PCDHA2: variants seen among roughly 807,000 people sequenced by gnomAD.
PCDHA2 encodes protocadherin alpha 2.
PCDHA2 carries 58 observed loss-of-function variants against 66.0 expected under a neutral mutation model. The ratio of observed to expected loss-of-function variants is 0.88; its 90% CI spans 0.71 to 1.09. PCDHA2 has a LOEUF of 1.09. PCDHA2 is among the 50% of genes least tolerant of loss of function. The pLI, the probability that PCDHA2 is intolerant of heterozygous loss-of-function variation, is 0.00. For synonymous variants in PCDHA2, 634 were observed against 554.0 expected, an observed-to-expected ratio of 1.14 and a Z score of -2.03; for missense variants, 1,267 against 1,242.3, an observed-to-expected ratio of 1.02 and a Z score of -0.30.
chr5:140,795,361 T>C lies in PCDHA2; in HGVS notation c.397T>C (p.Phe133Leu), dbSNP rs1761949603. 1 of 1,614,180 alleles carries C rather than the reference T, an allele frequency of 6.2e-7. No homozygotes were observed. The highest frequency in any genetic ancestry group is 8.5e-7 in the Non-Finnish European group (1 of 1,180,034). ...VKDINDNPPI[F>L]PMTVKTIRFP... is the part of the protein sequence containing the mutation. Reference sequence around the variant, plus strand: ...GGACATTAACGACAACCCGCCAATATTTCCAATGACAGTAAAGACTATCCG... The same window carrying C: ...GGACATTAACGACAACCCGCCAATACTTCCAATGACAGTAAAGACTATCCG... The change falls in exon 1 of 4, where the codon TTT becomes CTT. Residue 133 changes from phenylalanine to leucine, a missense_variant. By Grantham distance (22) the Phe-to-Leu change is conservative. Coordinates refer to ENST00000526136, the MANE Select transcript of PCDHA2 (RefSeq NM_018905.3).
At chr5:140,882,332 G>A (rs782439110) in intron 1 of PCDHA2, 1 of 1,614,178 alleles carries the variant, frequency 6.2e-7, no homozygotes, top group Non-Finnish European at 8.5e-7. Flanking sequence ...TCTGATCCTC[G>A]CAGCCTGGGA....
chr5:140,852,584 T>G, intron 1 of PCDHA2: 1 of 824,250 alleles, frequency 1.2e-6, no homozygotes, highest in Non-Finnish European at 1.5e-6. Flanking sequence ...GCTTTTTTAT[T>G]TTTTTTTTTT....
chr5:140,942,590 A>G (rs868979857), intron 1 of PCDHA2, among the ~76,000 whole-genome samples: 1 of 148,658 alleles, frequency 6.7e-6, no homozygotes, highest in Admixed American at 6.8e-5. Context: ...GATGTCACAT[A>G]TAATTATAGT....
chr5:140,967,610 T>A, intron 1 of PCDHA2: 1 of 1,614,108 alleles, frequency 6.2e-7, no homozygotes, highest in Non-Finnish European at 8.5e-7. Context: ...GCTGAATGCC[T>A]CAGACCCGGA....
At chr5:140,917,379 T>C (rs1393963383) in intron 1 of PCDHA2, among the ~76,000 whole-genome samples, 1 of 147,708 alleles carries the variant, frequency 6.8e-6, no homozygotes, top group African/African-American at 2.5e-5. Context: ...TCCACCTCAA[T>C]AGTCTGATGT....
intron 1 of PCDHA2, chr5:140,967,282 G>A (rs1463734502): frequency 1.1e-5 from 17 of 1,612,960 alleles, no homozygotes; most frequent in Non-Finnish European, 1.4e-5. Context: ...TAGAGAGTGC[G>A]CAGGACCCCG....
intron 1 of PCDHA2, chr5:140,841,123 T>C: frequency 1.6e-6 from 1 of 643,846 alleles, no homozygotes; most frequent in Non-Finnish European, 2.6e-6. Context: ...ATGTAATCAT[T>C]ACCTTTTGAA....
At chr5:140,876,223 T>C (rs2056212607) in intron 1 of PCDHA2, 2 of 1,613,782 alleles carry the variant, frequency 1.2e-6, no homozygotes, top group Non-Finnish European at 1.7e-6. Flanking sequence ...TAAAGTAGTG[T>C]TGTCTGAAAA....
intron 1 of PCDHA2, among the ~76,000 whole-genome samples, chr5:140,826,723 G>A (rs1409739091): frequency 1.3e-5 from 2 of 152,174 alleles, no homozygotes; most frequent in African/African-American, 4.8e-5. Context: ...AAGAGGAAGA[G>A]CAAGTGGTCT....
chr5:140,796,783 C>T lies in PCDHA2; in HGVS notation c.1819C>T (p.Leu607Phe), dbSNP rs782135043. ...CGCTGACTCAGGCTACAACGCGTGGCTTTCGTACGAGCTTCAGCTGGGTAC... is the reference window on the plus strand; with the variant it reads ...CGCTGACTCAGGCTACAACGCGTGGTTTTCGTACGAGCTTCAGCTGGGTAC... ...VDADSGYNAW[L>F]SYELQLGTGS... is the part of the protein sequence containing the mutation. Residue 607 changes from leucine (L) to phenylalanine (F), a missense_variant, in exon 1 of 4, where the codon CTT (leucine) becomes TTT (phenylalanine). Coordinates refer to ENST00000526136, the MANE Select transcript of PCDHA2 (RefSeq NM_018905.3). 3.1e-6 allele frequency: 5 copies of T among 1,614,144 alleles called. No homozygotes were observed. The highest frequency in any genetic ancestry group is 3.4e-6 in the Non-Finnish European group (4 of 1,179,976).
chr5:140,818,380 G>A (rs2150101126), intron 1 of PCDHA2, among the ~76,000 whole-genome samples: 4 of 152,192 alleles, frequency 2.6e-5, no homozygotes, highest in African/African-American at 9.6e-5. Context: ...TTGAATCGTG[G>A]CATTTTTCCA....
chr5:140,966,532 G>A (rs1418404048), intron 1 of PCDHA2: 7 of 447,876 alleles, frequency 1.6e-5, no homozygotes, highest in East Asian at 3.5e-5. Flanking sequence ...GAGCCGGGTT[G>A]AGCGACTCGG....
chr5:140,875,363 A>G, intron 1 of PCDHA2: 1 of 1,449,052 alleles, frequency 6.9e-7, no homozygotes, highest in Non-Finnish European at 9.1e-7. Flanking sequence ...GATGCTGGAA[A>G]AAATTTACTA....
chr5:140,809,585 C>T, intron 1 of PCDHA2: 1 of 1,544,650 alleles, frequency 6.5e-7, no homozygotes, highest in Non-Finnish European at 8.7e-7. Context: ...TAGTGTATAA[C>T]ATCCTTTTGT....
At chr5:140,913,243 G>T (rs1386908951) in intron 1 of PCDHA2, among the ~76,000 whole-genome samples, 1 of 152,112 alleles carries the variant, frequency 6.6e-6, no homozygotes, top group Non-Finnish European at 1.5e-5. Flanking sequence ...GAGACTTTTT[G>T]TTACAACTTT....
intron 1 of PCDHA2, chr5:140,807,670 T>C (rs557317357): frequency 6.2e-7 from 1 of 1,614,204 alleles, no homozygotes; most frequent in Admixed American, 1.7e-5. Flanking sequence ...CGGATGCAGA[T>C]ATCGGGGAGA....
At chr5:140,994,636 T>C (rs1243732393) in intron 3 of PCDHA2, among the ~76,000 whole-genome samples, 1 of 151,996 alleles carries the variant, frequency 6.6e-6, no homozygotes, top group Admixed American at 6.6e-5. Flanking sequence ...ACCTGGAAGG[T>C]GGAGGTTGCA....
intron 1 of PCDHA2, among the ~76,000 whole-genome samples, chr5:140,899,097 T>A (rs1160754058): frequency 2.0e-5 from 3 of 151,826 alleles, no homozygotes; most frequent in Non-Finnish European, 4.4e-5. Flanking sequence ...TGGGCTGAGA[T>A]AATGGGGTTT....
rs1554144146 is a variant in PCDHA2, at chr5:140,850,293, G to A, written c.2388+52941G>A. 7.5e-6 allele frequency: 12 copies of A among 1,596,282 alleles called. 1 individual carries two copies. Among genetic ancestry groups the A allele is most frequent in the Non-Finnish European group, 1.0e-5 (12 of 1,167,618 alleles). ...GGGGAAGGTGCGCGCAGTGGACGCC[G>A]ACTCGGGCTACAACGCGTGGCTTTC... On this transcript the variant is annotated intron_variant, in intron 1 of 3. Transcript: ENST00000526136.
Sources: gnomAD v4.1 joint callset for allele counts (sites outside exome capture counted in the v4.1 genomes callset) on GRCh38, gnomAD v4.1.1 for gene constraint, MANE v1.5 for transcripts, NCBI Gene and HGNC (gene_info 2026-07-23, HGNC 2026-07-21) for gene names.